Variants in PAK5 observed in about 807,000 individuals in gnomAD.
PAK5 encodes p21 (RAC1) activated kinase 5, also known as serine/threonine-protein kinase PAK 5.
PAK5 carries 16 observed loss-of-function variants against 65.9 expected under a neutral mutation model. That is an observed-to-expected ratio of 0.24 (90% CI 0.16 to 0.37). The LOEUF is 0.37. Among genes scored for constraint, PAK5 ranks in the 10% least tolerant of loss-of-function variants. The pLI is 1.00. For synonymous variants in PAK5, 371 were observed against 354.9 expected (o/e 1.05, Z -0.51); for missense variants, 785 against 903.9 (o/e 0.87, Z 1.69).
rs111246210 is a variant in PAK5 at position 9,741,870 on chromosome 20, GA to G, written c.-161-30436del. On this transcript the variant is annotated intron_variant, in intron 1 of 9. Transcript: ENST00000353224. Reference sequence around the variant, plus strand: ...AGAAGGATCCCAATGATCTAGCAGAGAAAAAAAAAAACTCCTCCCTCTTTCC... The same window carrying G: ...AGAAGGATCCCAATGATCTAGCAGAGAAAAAAAAAACTCCTCCCTCTTTCC... Among the ~76,000 whole-genome samples, 413 of 142,574 alleles carry G rather than the reference GA, an allele frequency of 2.9e-3. 9 individuals carry two copies. In the East Asian group the frequency reaches 0.056, roughly 19 times the overall value. The allele number at this position is 142,574 out of a possible 152,430, so 93.5% of individuals were successfully genotyped here.
At chr20:9,587,256 A>G (rs888377835) in intron 3 of PAK5, among the ~76,000 whole-genome samples, 1 of 152,326 alleles carries the variant, frequency 6.6e-6, no homozygotes, top group East Asian at 1.9e-4. Context: ...GTGGGAAAAA[A>G]GGGATAATTG....
At chr20:9,693,158 A>G (rs979645918) in intron 2 of PAK5, among the ~76,000 whole-genome samples, 3 of 152,268 alleles carry the variant, frequency 2.0e-5, no homozygotes, top group Non-Finnish European at 4.4e-5. Flanking sequence ...GTCATTTATG[A>G]TAAGAGAATA....
At chr20:9,748,367 C>A (rs1003426454) in intron 1 of PAK5, among the ~76,000 whole-genome samples, 8 of 152,126 alleles carry the variant, frequency 5.3e-5, no homozygotes, top group African/African-American at 1.9e-4. Context: ...CAAAAAAGAG[C>A]ATGCATCGCC....
At chr20:9,585,024 T>G (rs1371504732) in intron 3 of PAK5, among the ~76,000 whole-genome samples, 1 of 152,218 alleles carries the variant, frequency 6.6e-6, no homozygotes, top group Non-Finnish European at 1.5e-5. Context: ...CGGATAATCC[T>G]TTAGCAAAAA....
At chr20:9,670,049 C>T (rs1470950511) in intron 2 of PAK5, among the ~76,000 whole-genome samples, 2 of 151,840 alleles carry the variant, frequency 1.3e-5, no homozygotes, top group Non-Finnish European at 2.9e-5. Context: ...GAGATAGTTT[C>T]CTGAGAATGA....
intron 1 of PAK5, among the ~76,000 whole-genome samples, chr20:9,809,211 A>G (rs765984535): frequency 1.3e-5 from 2 of 152,146 alleles, no homozygotes; most frequent in African/African-American, 4.8e-5. Flanking sequence ...ACTTAAAAAT[A>G]TAGATCTCAG....
intron 3 of PAK5, among the ~76,000 whole-genome samples, chr20:9,603,617 C>T (rs995976888): frequency 3.3e-5 from 5 of 152,146 alleles, no homozygotes; most frequent in African/African-American, 1.2e-4. Context: ...CTGTGTACAT[C>T]CTCACCCATG....
rs184506784 is a variant in PAK5 at position 9,802,584 on chromosome 20, T to G, written c.-162+36178A>C. Among the ~76,000 whole-genome samples the G allele has an allele frequency of 1.1e-4, 16 of 152,184 alleles. No individual in the cohort carries two copies. The South Asian group carries it at 1.2e-3, about 12-fold the overall frequency. On this transcript the variant is annotated intron_variant, in intron 1 of 9. Coordinates refer to ENST00000353224, the MANE Select transcript of PAK5 (RefSeq NM_177990.4). ...ATTTTTGTGTTTTGATTTTTTATTG[T>G]TTTGAATATGAATGTTTCCCATTCA... is the stretch of plus-strand genomic sequence containing the variant.
At chr20:9,830,025 A>C (rs759343624) in intron 1 of PAK5, among the ~76,000 whole-genome samples, 1 of 152,110 alleles carries the variant, frequency 6.6e-6, no homozygotes, top group Admixed American at 6.5e-5. Flanking sequence ...GAGCCCCATG[A>C]GCAGTGAATT....
chr20:9,622,896 ATC>A (rs1243319806), intron 3 of PAK5, among the ~76,000 whole-genome samples: 1 of 152,112 alleles, frequency 6.6e-6, no homozygotes, highest in Admixed American at 6.5e-5. Flanking sequence ...CTCAGTCTGT[ATC>A]TCTCTCTCTG....
intron 1 of PAK5, among the ~76,000 whole-genome samples, chr20:9,836,082 C>T (rs928838632): frequency 1.3e-5 from 2 of 152,160 alleles, no homozygotes; most frequent in Non-Finnish European, 2.9e-5. Context: ...GAACCCTGCT[C>T]TTCCCTACCA....
intron 3 of PAK5, among the ~76,000 whole-genome samples, chr20:9,598,995 C>T (rs558834194): frequency 7.8e-4 from 119 of 152,250 alleles, no homozygotes; most frequent in African/African-American, 2.2e-3. Context: ...AATCATCTCA[C>T]GTAGAAACTT....
Position 9,591,539 on chromosome 20 carries a change from A to G in PAK5, c.205-10609T>C, listed in dbSNP as rs923960420. ...AATAAGTTGACTGGTCTTTGAAATA[A>G]TTAGCCTTTAAAGCAACTTGAAAAT... On this transcript the variant is annotated intron_variant, in intron 3 of 9. Transcript: ENST00000353224. Among the ~76,000 whole-genome samples the G allele has an allele frequency of 1.2e-4, 19 of 152,096 alleles. 1 individual carries two copies. The highest frequency in any genetic ancestry group is 1.0e-3 in the Admixed American group (16 of 15,262).
intron 2 of PAK5, among the ~76,000 whole-genome samples, chr20:9,674,470 T>G (rs2047541786): frequency 6.6e-6 from 1 of 152,226 alleles, no homozygotes; most frequent in South Asian, 2.1e-4. Context: ...GGTACTTCCC[T>G]CTATAGATCT....
intron 2 of PAK5, among the ~76,000 whole-genome samples, chr20:9,655,448 T>C (rs2047254577): frequency 2.0e-5 from 3 of 151,782 alleles, no homozygotes; most frequent in South Asian, 2.1e-4. Context: ...TGGGGTGTTA[T>C]GTTAAAAAAA....
chr20:9,741,266 A>G (rs1376823169), intron 1 of PAK5, among the ~76,000 whole-genome samples: 1 of 152,110 alleles, frequency 6.6e-6, no homozygotes, highest in African/African-American at 2.4e-5. Context: ...GAAACACAAG[A>G]AGAAGGGAAA....
At chr20:9,794,352 T>C (rs954531186) in intron 1 of PAK5, among the ~76,000 whole-genome samples, 1 of 151,856 alleles carries the variant, frequency 6.6e-6, no homozygotes, top group African/African-American at 2.4e-5. Flanking sequence ...ATTTAAAAAA[T>C]TTAAAACAAG....
rs193116826 is a variant in PAK5 at position 9,538,587 on chromosome 20, T to G, written c.*875A>C. The G allele has an allele frequency of 8.6e-6, 2 of 233,208 alleles. No homozygotes were observed. The highest frequency in any genetic ancestry group is 1.7e-5 in the Non-Finnish European group (2 of 117,800). The allele number at this position is 233,208 out of a possible 1,614,324, so 14.4% of individuals were successfully genotyped here. A position where few individuals can be genotyped will look rare whatever the true frequency, so the allele number is the denominator to read the frequency against. ...TGGCCACAAGGGAACATTGTACCCATTTGAGAAAGGGCACTGAGGGAAACA... is the reference window on the plus strand; with the variant it reads ...TGGCCACAAGGGAACATTGTACCCAGTTGAGAAAGGGCACTGAGGGAAACA... On this transcript the variant is annotated 3_prime_UTR_variant, in exon 10 of 10. Coordinates refer to ENST00000353224, the MANE Select transcript of PAK5 (RefSeq NM_177990.4).
At chr20:9,615,171 A>C (rs539977363) in intron 3 of PAK5, among the ~76,000 whole-genome samples, 62 of 152,338 alleles carry the variant, frequency 4.1e-4, no homozygotes, top group African/African-American at 1.4e-3. Flanking sequence ...GTCCGGGGTT[A>C]GGGTGTGGGA....
Sources: gnomAD v4.1 joint callset for allele counts (sites outside exome capture counted in the v4.1 genomes callset) on GRCh38, gnomAD v4.1.1 for gene constraint, MANE v1.5 for transcripts, NCBI Gene and HGNC (gene_info 2026-07-23, HGNC 2026-07-21) for gene names.